The following TMEM108 variants were observed in gnomAD, a reference collection of about 807,000 sequenced individuals.
The protein encoded by TMEM108 is cancer/testis antigen 124.
A neutral mutation model predicts 35.1 loss-of-function variants in TMEM108; 12 were observed. The observed-to-expected ratio is 0.34, with a 90% confidence interval of 0.22 to 0.55. TMEM108 has a LOEUF of 0.55. Ranked by LOEUF, TMEM108 falls within the 20% of genes least tolerant of loss-of-function variation. The pLI is 0.89. For synonymous variants in TMEM108, 287 were observed against 308.6 expected (o/e 0.93, Z 0.73); for missense variants, 680 against 753.3 (o/e 0.90, Z 1.14).
At chr3:133,385,603 C>T (rs994445077) in intron 4 of TMEM108, among the ~76,000 whole-genome samples, 5 of 152,200 alleles carry the variant, frequency 3.3e-5, no homozygotes, top group Admixed American at 3.3e-4. Context: ...GAATCCTTTC[C>T]CTCACTGGTC....
chr3:133,286,953 A>G (rs74837302), intron 3 of TMEM108, among the ~76,000 whole-genome samples: 168 of 152,076 alleles, frequency 1.1e-3, no homozygotes, highest in African/African-American at 3.6e-3. Flanking sequence ...CTCTAACCCT[A>G]TTTTCTTAGA....
At chr3:133,381,736 TCTC>T (rs141179616) in intron 4 of TMEM108, among the ~76,000 whole-genome samples, 1,769 of 152,270 alleles carry the variant, frequency 0.012, 18 homozygotes, top group South Asian at 0.021. Flanking sequence ...CTGTCTCTCT[TCTC>T]CTAAGAAAGA....
chr3:133,208,206 G>T (rs1271558797), intron 2 of TMEM108, among the ~76,000 whole-genome samples: 1 of 152,148 alleles, frequency 6.6e-6, no homozygotes, highest in Non-Finnish European at 1.5e-5. Flanking sequence ...GTGGGTCTGA[G>T]GTAGAACCTG....
chr3:133,145,313 A>T (rs1341172352), intron 2 of TMEM108, among the ~76,000 whole-genome samples: 1 of 151,986 alleles, frequency 6.6e-6, no homozygotes, highest in African/African-American at 2.4e-5. Flanking sequence ...GTTTTGTTCC[A>T]TTGGTCTGTA....
At chr3:133,137,163 C>T (rs747426986) in intron 2 of TMEM108, among the ~76,000 whole-genome samples, 4 of 152,086 alleles carry the variant, frequency 2.6e-5, no homozygotes, top group South Asian at 2.1e-4. Flanking sequence ...CATATGTGAA[C>T]GCATGAACAA....
intron 3 of TMEM108, among the ~76,000 whole-genome samples, chr3:133,287,858 G>A (rs1417600641): frequency 6.6e-6 from 1 of 152,124 alleles, no homozygotes; most frequent in African/African-American, 2.4e-5. Flanking sequence ...AATCACTTAG[G>A]TTCAAGAGCA....
rs531009733 is a variant in TMEM108 at position 133,068,716 on chromosome 3, C to T, written c.-47+22696C>T. On this transcript the variant is annotated intron_variant, in intron 2 of 5. Coordinates refer to ENST00000321871, the MANE Select transcript of TMEM108 (RefSeq NM_023943.4). Reference sequence around the variant, plus strand: ...ACAATCACAAAATTTCAAACATTTGCAGCACCTGTTACCTGTGAGGATATA... The same window carrying T: ...ACAATCACAAAATTTCAAACATTTGTAGCACCTGTTACCTGTGAGGATATA... Among the ~76,000 whole-genome samples the T allele has an allele frequency of 3.9e-5, 6 of 152,230 alleles. No homozygotes were observed. The East Asian group carries it at 1.2e-3, about 29-fold the overall frequency.
chr3:133,074,038 A>C (rs1453188341), intron 2 of TMEM108, among the ~76,000 whole-genome samples: 2 of 152,104 alleles, frequency 1.3e-5, no homozygotes, highest in African/African-American at 4.8e-5. Context: ...AGATTAGTCA[A>C]CTTTTCCCAA....
intron 2 of TMEM108, among the ~76,000 whole-genome samples, chr3:133,185,788 T>TC (rs60934425): frequency 7.7e-5 from 6 of 77,588 alleles, no homozygotes; most frequent in East Asian, 4.4e-4. Context: ...TCTTTTCTTT[T>TC]TTTTTTTTTT....
At chr3:133,077,247 T>G (rs1367724791) in intron 2 of TMEM108, among the ~76,000 whole-genome samples, 2 of 151,422 alleles carry the variant, frequency 1.3e-5, no homozygotes, top group African/African-American at 4.8e-5. Flanking sequence ...ACTCCTAAAG[T>G]CTTGGGCTTT....
intron 2 of TMEM108, among the ~76,000 whole-genome samples, chr3:133,141,176 C>T (rs1355693735): frequency 6.6e-6 from 1 of 152,204 alleles, no homozygotes; most frequent in East Asian, 1.9e-4. Flanking sequence ...GCACAGATCT[C>T]TCTAATGGTT....
chr3:133,168,253 CTG>C (rs1348722228), intron 2 of TMEM108, among the ~76,000 whole-genome samples: 3 of 152,176 alleles, frequency 2.0e-5, no homozygotes, highest in Non-Finnish European at 2.9e-5. Flanking sequence ...GGTTTACACA[CTG>C]TAACAGAATA....
chr3:133,046,595 T>C (rs933844065), intron 2 of TMEM108, among the ~76,000 whole-genome samples: 3 of 152,228 alleles, frequency 2.0e-5, no homozygotes, highest in African/African-American at 7.2e-5. Context: ...CATTCATGCC[T>C]CATCTATTTG....
intron 3 of TMEM108, among the ~76,000 whole-genome samples, chr3:133,327,981 TCTC>T (rs1004633304): frequency 5.3e-5 from 8 of 152,132 alleles, no homozygotes; most frequent in African/African-American, 1.9e-4. Context: ...CAATTATTCT[TCTC>T]CTTGTTTTCT....
intron 2 of TMEM108, among the ~76,000 whole-genome samples, chr3:133,146,598 C>A (rs140954665): frequency 0.028 from 4,288 of 152,112 alleles, 214 homozygotes; most frequent in African/African-American, 0.098. Context: ...TGGTCATGGG[C>A]TTTTTTTAGT....
Position 133,397,376 on chromosome 3 carries a change from T to C in TMEM108, c.*1390T>C, listed in dbSNP as rs2073320495. 1 of 151,910 alleles carries C rather than the reference T, an allele frequency of 6.6e-6. No homozygotes were observed. Among genetic ancestry groups the C allele is most frequent in the African/African-American group, 2.4e-5 (1 of 41,306 alleles). 9.4% of individuals were successfully genotyped at this position (151,910 alleles called of 1,614,324 possible). A position where few individuals can be genotyped will look rare whatever the true frequency, so the allele number is the denominator to read the frequency against. On this transcript the variant is annotated 3_prime_UTR_variant, in exon 6 of 6. Transcript: ENST00000321871. Reference sequence around the variant, plus strand: ...TGTAGTCTATCATGACTTTTTTCTTTCTGCATTTTCCTTAAAAAAAAAAAA... The same window carrying C: ...TGTAGTCTATCATGACTTTTTTCTTCCTGCATTTTCCTTAAAAAAAAAAAA...
chr3:133,148,564 T>C (rs1387832375), intron 2 of TMEM108, among the ~76,000 whole-genome samples: 3 of 152,218 alleles, frequency 2.0e-5, no homozygotes, highest in Non-Finnish European at 4.4e-5. Flanking sequence ...AAGATTTCAC[T>C]GAAAAGTCTT....
In TMEM108 at chr3:133,180,724, T is replaced by C. The variant is rs961771196; in HGVS notation, c.-46-48542T>C. ...ATTTAAGTTTTAAAACATAAATATTTGCAGCTTGATCTTCTTTTGATAGTG... is the reference window on the plus strand; with the variant it reads ...ATTTAAGTTTTAAAACATAAATATTCGCAGCTTGATCTTCTTTTGATAGTG... On this transcript the variant is annotated intron_variant, in intron 2 of 5. Coordinates refer to ENST00000321871, the MANE Select transcript of TMEM108 (RefSeq NM_023943.4). Among the ~76,000 whole-genome samples, 33 of 152,258 alleles carry C rather than the reference T, an allele frequency of 2.2e-4. 1 individual carries two copies. The highest frequency in any genetic ancestry group is 1.5e-3 in the Admixed American group (23 of 15,284).
intron 2 of TMEM108, among the ~76,000 whole-genome samples, chr3:133,194,561 T>G (rs1945549355): frequency 6.6e-6 from 1 of 151,788 alleles, no homozygotes; most frequent in African/African-American, 2.4e-5. Flanking sequence ...GTGTTTTCAG[T>G]GTGAAATTCC....
Sources: gnomAD v4.1 joint callset for allele counts (sites outside exome capture counted in the v4.1 genomes callset) on GRCh38, gnomAD v4.1.1 for gene constraint, MANE v1.5 for transcripts, NCBI Gene and HGNC (gene_info 2026-07-23, HGNC 2026-07-21) for gene names.